DCDC1: variants seen among roughly 807,000 people sequenced by gnomAD.
The protein encoded by DCDC1 is doublecortin domain-containing protein 1.
A neutral mutation model predicts 178.3 loss-of-function variants in DCDC1; 200 were observed. The ratio of observed to expected loss-of-function variants is 1.12; its 90% CI spans 1.00 to 1.26. The LOEUF is 1.26. Among genes scored for constraint, DCDC1 ranks in the 50% most tolerant of loss-of-function variants. The probability of loss-of-function intolerance (pLI) is 0.00; values close to 1 mark genes in which losing one functional copy is unlikely to be tolerated. For missense variants in DCDC1, 1,983 were observed against 1,749.2 expected (o/e 1.13, Z -2.38); for synonymous variants, 690 against 604.8 (o/e 1.14, Z -2.07).
chr11:30,920,601 C>T (rs1946180292), intron 25 of DCDC1, among the ~76,000 whole-genome samples, 175 bp downstream of exon 25: 1 of 152,116 alleles, frequency 6.6e-6, no homozygotes, highest in Admixed American at 6.6e-5. Context: ...GGTTGAACAT[C>T]GAAGCTGTAG....
At chr11:30,988,718 GA>G (rs879933850) in intron 20 of DCDC1, among the ~76,000 whole-genome samples, 3 of 151,764 alleles carry the variant, frequency 2.0e-5, no homozygotes, top group Non-Finnish European at 2.9e-5. Flanking sequence ...TAACTGATGA[GA>G]AAAAAAACGC....
At chr11:31,353,355 A>G (rs1951170732) in intron 1 of DCDC1, among the ~76,000 whole-genome samples, 1 of 152,228 alleles carries the variant, frequency 6.6e-6, no homozygotes, top group East Asian at 1.9e-4. Flanking sequence ...TTGGAATCTA[A>G]TGCTTTATCT....
rs896060197 is a variant in DCDC1 at position 30,900,401 on chromosome 11, G to A, written c.4608C>T (p.Leu1536=). ...ACACCCAGATGGCAATAGGATTTCT[G>A]AGGATGAGGGTAAGCAAAGACTTGT... ...GIDKSLLTLI[L]RNPIAIWVSC... Residue 1536 remains leucine (L), a synonymous_variant, in exon 33 of 39, where the codon CTC becomes CTT. Coordinates refer to ENST00000684477, the MANE Select transcript of DCDC1 (RefSeq NM_001387274.1). 15 of 1,579,722 alleles carry A rather than the reference G, an allele frequency of 9.5e-6. No homozygotes were observed. The highest frequency in any genetic ancestry group is 2.4e-5 in the South Asian group (2 of 84,752).
chr11:31,351,336 T>G (rs2133298941), intron 1 of DCDC1, among the ~76,000 whole-genome samples: 1 of 152,232 alleles, frequency 6.6e-6, no homozygotes, highest in South Asian at 2.1e-4. Context: ...TTAGACAACA[T>G]AAATACTAGG....
chr11:31,173,771 C>CATA (rs1555100754), intron 9 of DCDC1, among the ~76,000 whole-genome samples: 1 of 149,418 alleles, frequency 6.7e-6, no homozygotes, highest in East Asian at 2.0e-4. Context: ...CACACACACA[C>CATA]CCCCACATCT....
intron 1 of DCDC1, among the ~76,000 whole-genome samples, chr11:31,363,323 C>T (rs1951800639): frequency 1.3e-5 from 2 of 152,028 alleles, no homozygotes; most frequent in Non-Finnish European, 2.9e-5. Flanking sequence ...CATTTAAAAA[C>T]CTATAATAAT....
chr11:31,110,519 T>C (rs1959136766), intron 11 of DCDC1, among the ~76,000 whole-genome samples, 158 bp from the exon 12 acceptor site: 3 of 152,180 alleles, frequency 2.0e-5, no homozygotes, highest in African/African-American at 7.2e-5. Context: ...AAGGACCGAC[T>C]GTATAAACAC....
At chr11:31,222,625 C>A (rs1343725196) in intron 9 of DCDC1, among the ~76,000 whole-genome samples, 1 of 152,148 alleles carries the variant, frequency 6.6e-6, no homozygotes, top group Non-Finnish European at 1.5e-5. Flanking sequence ...TTTCTCAGAG[C>A]TCTGGAAGCT....
rs554619769 is a variant in DCDC1 at position 31,013,703 on chromosome 11, T to C, written c.2591+50766A>G. Among the ~76,000 whole-genome samples the C allele has an allele frequency of 3.3e-5, 5 of 152,282 alleles. No individual in the cohort carries two copies. The East Asian group carries it at 7.7e-4, about 23-fold the overall frequency. On this transcript the variant is annotated intron_variant, in intron 20 of 38. Transcript: ENST00000684477. ...CTGCTTATTTACACATAATAGAATA[T>C]TTATTTAGGGAGGCCATACACACAA...
At chr11:31,081,873 G>A (rs1372311709) in intron 17 of DCDC1, among the ~76,000 whole-genome samples, 3 of 152,056 alleles carry the variant, frequency 2.0e-5, no homozygotes, top group Non-Finnish European at 2.9e-5. Flanking sequence ...GAAGTGCCAC[G>A]TTAGGCTGGA....
At chr11:31,123,084 A>C (rs914852638) in intron 11 of DCDC1, among the ~76,000 whole-genome samples, 8 of 152,226 alleles carry the variant, frequency 5.3e-5, no homozygotes, top group East Asian at 3.9e-4. Context: ...ACAAAAAAAA[A>C]CAGGCAGATT....
At chr11:31,164,568 A>T (rs1043982027) in intron 9 of DCDC1, among the ~76,000 whole-genome samples, 1 of 151,568 alleles carries the variant, frequency 6.6e-6, no homozygotes, top group Non-Finnish European at 1.5e-5. Flanking sequence ...TTTAAAACGT[A>T]AAAAAAAATT....
chr11:31,071,700 T>G (rs1956572773), intron 18 of DCDC1, among the ~76,000 whole-genome samples: 1 of 152,168 alleles, frequency 6.6e-6, no homozygotes, highest in Non-Finnish European at 1.5e-5. Context: ...ATCCAAAGAA[T>G]TTGGCAGAAG....
At chr11:31,079,194 AG>A (rs1957036329) in intron 17 of DCDC1, among the ~76,000 whole-genome samples, 2 of 152,178 alleles carry the variant, frequency 1.3e-5, no homozygotes, top group African/African-American at 4.8e-5. Context: ...GAGGAGCTGG[AG>A]AATGAGTTAA....
At chr11:30,919,975 C>T (rs756634755) in intron 25 of DCDC1, among the ~76,000 whole-genome samples, 25 of 152,114 alleles carry the variant, frequency 1.6e-4, no homozygotes, top group Non-Finnish European at 3.1e-4. Flanking sequence ...CACATTGCCA[C>T]GTACAGTCAT....
chr11:31,196,257 A>C (rs1325172713), intron 9 of DCDC1, among the ~76,000 whole-genome samples: 1 of 151,908 alleles, frequency 6.6e-6, no homozygotes, highest in Non-Finnish European at 1.5e-5. Flanking sequence ...TCTGACAGCA[A>C]ACGTGGTGGT....
intron 36 of DCDC1, among the ~76,000 whole-genome samples, chr11:30,892,612 T>C (rs1943883253): frequency 6.6e-6 from 1 of 152,220 alleles, no homozygotes; most frequent in Non-Finnish European, 1.5e-5. Flanking sequence ...GATTCACATC[T>C]ATGTCAGACA....
At chr11:30,975,674 A>G (rs954257687) in intron 20 of DCDC1, among the ~76,000 whole-genome samples, 8 of 152,118 alleles carry the variant, frequency 5.3e-5, no homozygotes, top group African/African-American at 2.4e-5. Context: ...AGACTTCTAC[A>G]AGGAAAACAA....
chr11:30,962,808 T>TA (rs1565128495), intron 20 of DCDC1, among the ~76,000 whole-genome samples: 1 of 152,100 alleles, frequency 6.6e-6, no homozygotes, highest in East Asian at 1.9e-4. Context: ...TCTGGATACA[T>TA]AGGAGTAATT....
Sources: allele counts gnomAD v4.1 joint callset (sites outside exome capture counted in the v4.1 genomes callset), GRCh38; gene constraint gnomAD v4.1.1; transcripts MANE v1.5; gene names NCBI Gene and HGNC (gene_info 2026-07-23, HGNC 2026-07-21).